The following COL24A1 variants were observed in gnomAD, a reference collection of about 807,000 sequenced individuals.
The protein encoded by COL24A1 is collagen type XXIV alpha 1 chain.
Under a neutral mutation model 253.9 loss-of-function variants are expected in COL24A1, and 224 were observed. The ratio of observed to expected loss-of-function variants is 0.88; its 90% confidence interval spans 0.79 to 0.99. The LOEUF (loss-of-function observed/expected upper bound fraction) is 0.99. COL24A1 is among the 50% of genes least tolerant of loss of function. The pLI, the probability that COL24A1 is intolerant of heterozygous loss-of-function variation, is 0.00. For missense variants in COL24A1, 2,131 were observed against 2,068.5 expected (o/e 1.03, Z -0.59); for synonymous variants, 685 against 673.7 (o/e 1.02, Z -0.26).
chr1:86,063,617 G>GA (rs745761360), intron 8 of COL24A1, 98 bp downstream of exon 8: 417 of 835,090 alleles, frequency 5.0e-4, no homozygotes, highest in Non-Finnish European at 6.8e-4. Flanking sequence ...TCACTGAGAA[G>GA]AAAAATTGAA....
At chr1:85,970,774 A>C (rs1486108152) in intron 21 of COL24A1, among the ~76,000 whole-genome samples, 3 of 152,226 alleles carry the variant, frequency 2.0e-5, no homozygotes, top group Non-Finnish European at 4.4e-5. Flanking sequence ...CACAAATAGT[A>C]AATATAAATT....
intron 24 of COL24A1, among the ~76,000 whole-genome samples, chr1:85,925,854 A>G (rs1470427751): frequency 6.6e-6 from 1 of 152,244 alleles, no homozygotes; most frequent in East Asian, 1.9e-4. Context: ...GCTTCTGCAC[A>G]GAAAAAGAAA....
chr1:85,735,212 C>A (rs1663920607), intron 58 of COL24A1, among the ~76,000 whole-genome samples: 1 of 152,088 alleles, frequency 6.6e-6, no homozygotes, highest in Admixed American at 6.6e-5. Flanking sequence ...ACAGGCATGG[C>A]TGAATTCAGA....
chr1:85,808,184 C>T (rs1471544386), intron 47 of COL24A1, among the ~76,000 whole-genome samples: 1 of 152,144 alleles, frequency 6.6e-6, no homozygotes, highest in Non-Finnish European at 1.5e-5. Flanking sequence ...ACATATTACT[C>T]CCATCCCTGT....
chr1:85,918,346 C>T (rs539597319), intron 24 of COL24A1, among the ~76,000 whole-genome samples: 1 of 152,072 alleles, frequency 6.6e-6, no homozygotes, highest in Non-Finnish European at 1.5e-5. Context: ...TTTCCAAATG[C>T]TATATATTCA....
chr1:85,821,882 G>C (rs1165277350), intron 45 of COL24A1, among the ~76,000 whole-genome samples: 1 of 152,098 alleles, frequency 6.6e-6, no homozygotes, highest in African/African-American at 2.4e-5. Flanking sequence ...TCTCAAGATG[G>C]AAAAAGAAAG....
At chr1:85,817,018 C>T (rs1038293157) in intron 46 of COL24A1, 123 bp from the exon 47 acceptor site, 6 of 689,022 alleles carry the variant, frequency 8.7e-6, no homozygotes, top group Non-Finnish European at 9.6e-6. Flanking sequence ...GACAAATTTT[C>T]CTGTTTCCTG....
At chr1:85,833,887 G>T (rs528217776) in intron 43 of COL24A1, among the ~76,000 whole-genome samples, 63 of 146,096 alleles carry the variant, frequency 4.3e-4, no homozygotes, top group Non-Finnish European at 7.4e-4. Flanking sequence ...AACACTGCAT[G>T]TTCTCACTTA....
At position 86,087,472 on chromosome 1, in the gene COL24A1, C is replaced by A. The variant is rs11161730; in HGVS notation, c.1707+1702G>T. ...TTTTGTCTATGAATAATATTTACTCCCAGAGACTGCATGTCATATACTCTT... is the reference window on the plus strand; with the variant it reads ...TTTTGTCTATGAATAATATTTACTCACAGAGACTGCATGTCATATACTCTT... On this transcript the variant is annotated intron_variant, in intron 7 of 59. Coordinates refer to ENST00000370571, the MANE Select transcript of COL24A1 (RefSeq NM_152890.7). Among the ~76,000 whole-genome samples the A allele has an allele frequency of 8.0e-4, 121 of 152,114 alleles. 1 individual carries two copies. The highest frequency in any genetic ancestry group is 2.8e-3 in the African/African-American group (118 of 41,526).
intron 35 of COL24A1, among the ~76,000 whole-genome samples, chr1:85,869,461 A>T (rs1680171202): frequency 6.6e-6 from 1 of 152,182 alleles, no homozygotes; most frequent in South Asian, 2.1e-4. Context: ...GGTCGGGTTA[A>T]CCACAAAGGA....
intron 1 of COL24A1, among the ~76,000 whole-genome samples, chr1:86,147,293 G>C (rs910767224): frequency 6.6e-6 from 1 of 152,060 alleles, no homozygotes; most frequent in African/African-American, 2.4e-5. Context: ...TATATAATTC[G>C]ACTATTTATA....
intron 24 of COL24A1, among the ~76,000 whole-genome samples, chr1:85,925,050 C>T (rs1687025686): frequency 6.6e-6 from 1 of 152,170 alleles, no homozygotes; most frequent in Non-Finnish European, 1.5e-5. Context: ...AGAGCCAAAT[C>T]ATGAGTGAAC....
intron 55 of COL24A1, among the ~76,000 whole-genome samples, chr1:85,748,429 C>T (rs1331707007): frequency 1.3e-5 from 2 of 152,072 alleles, no homozygotes; most frequent in Non-Finnish European, 2.9e-5. Context: ...ATCTAGGAGA[C>T]AGCAAAAGTG....
intron 52 of COL24A1, among the ~76,000 whole-genome samples, chr1:85,778,314 G>A (rs998748835): frequency 1.3e-5 from 2 of 151,898 alleles, no homozygotes; most frequent in Non-Finnish European, 2.9e-5. Flanking sequence ...ATATTGCCAA[G>A]GCTGGTCTAA....
At chr1:85,795,413 T>C (rs1670701107) in intron 47 of COL24A1, among the ~76,000 whole-genome samples, 1 of 152,126 alleles carries the variant, frequency 6.6e-6, no homozygotes, top group South Asian at 2.1e-4. Context: ...TTGAAACAAA[T>C]ATATTAAAAA....
intron 47 of COL24A1, among the ~76,000 whole-genome samples, chr1:85,810,804 A>T (rs927724105): frequency 2.6e-5 from 4 of 152,172 alleles, no homozygotes; most frequent in Non-Finnish European, 4.4e-5. Flanking sequence ...TTCCAGCACC[A>T]TGCTTCCTGT....
At chr1:86,069,902 C>T (rs1257516418) in intron 7 of COL24A1, among the ~76,000 whole-genome samples, 2 of 152,202 alleles carry the variant, frequency 1.3e-5, no homozygotes, top group Non-Finnish European at 2.9e-5. Flanking sequence ...AAATACCTAA[C>T]TCTTCAATGC....
At chr1:85,896,237 G>C in intron 29 of COL24A1, 119 bp downstream of exon 29, 2 of 1,216,080 alleles carry the variant, frequency 1.6e-6, no homozygotes, top group South Asian at 2.8e-5. Context: ...TTCATACTTA[G>C]ACAAAGAGAA....
At chr1:85,825,057 A>T (rs1022284736) in intron 43 of COL24A1, among the ~76,000 whole-genome samples, 2 of 149,220 alleles carry the variant, frequency 1.3e-5, no homozygotes, top group Non-Finnish European at 3.0e-5. Context: ...ATATCCCCCA[A>T]TGCTATCCCT....
Sources: allele counts gnomAD v4.1 joint callset (sites outside exome capture counted in the v4.1 genomes callset), GRCh38; gene constraint gnomAD v4.1.1; transcripts MANE v1.5; gene names NCBI Gene and HGNC (gene_info 2026-07-23, HGNC 2026-07-21).